Variants in MAPK8IP3 observed in about 807,000 individuals in gnomAD.
MAPK8IP3 encodes mitogen-activated protein kinase 8 interacting protein 3.
MAPK8IP3 carries 49 observed loss-of-function variants against 157.8 expected under a neutral mutation model. The observed-to-expected ratio is 0.31, with a 90% CI of 0.25 to 0.39. The LOEUF (loss-of-function observed/expected upper bound fraction) is 0.39. Ranked by LOEUF, MAPK8IP3 falls within the 10% of genes least tolerant of loss-of-function variation. MAPK8IP3 has a pLI of 1.00. For synonymous variants in MAPK8IP3, 897 were observed against 777.7 expected (o/e 1.15, Z -2.55); for missense variants, 1,478 against 1,889.4 (o/e 0.78, Z 4.04).
intron 4 of MAPK8IP3, among the ~76,000 whole-genome samples, chr16:1,732,112 C>T (rs1244645556): frequency 6.6e-6 from 1 of 152,198 alleles, no homozygotes; most frequent in Non-Finnish European, 1.5e-5. Flanking sequence ...TCCAGGGGAC[C>T]GGCCATGGGA....
Position 1,767,257 on chromosome 16 carries a change from A to G in MAPK8IP3, c.3197A>G (p.Asn1066Ser), listed in dbSNP as rs2042324901. The G allele has an allele frequency of 6.2e-7, 1 of 1,613,178 alleles. No homozygotes were observed. Among genetic ancestry groups the G allele is most frequent in the Non-Finnish European group, 8.5e-7 (1 of 1,180,008 alleles). Residue 1066 changes from asparagine (N) to serine (S), a missense_variant, in exon 26 of 32, where the codon AAC becomes AGC. Around this residue, in one of 11 missense-constraint regions of MAPK8IP3, gnomAD observed 669 missense variants for 759.8 expected, o/e 0.88. Transcript: ENST00000610761. The part of the protein sequence containing the change: ...VYDRVWCGYK[N>S]KVHVIQPKTM... ...GACCGCGTGTGGTGTGGCTACAAGA[A>G]CAAGGTGCACGTCATCCAGCCCAAG...
intron 1 of MAPK8IP3, among the ~76,000 whole-genome samples, chr16:1,715,244 C>T (rs1016406171): frequency 3.3e-5 from 5 of 152,172 alleles, no homozygotes; most frequent in Admixed American, 2.0e-4. Flanking sequence ...GGCCAGCTCT[C>T]TCAGCCCCAC....
In MAPK8IP3 at chr16:1,769,029, C is replaced by A. The variant is rs1236557822; in HGVS notation, c.*205C>A. The A allele has an allele frequency of 6.5e-6, 4 of 613,292 alleles. No individual in the cohort carries two copies. The highest frequency in any genetic ancestry group is 3.7e-5 in the African/African-American group (2 of 54,084). 38.0% of individuals were successfully genotyped at this position (613,292 alleles called of 1,614,324 possible). A position where few individuals can be genotyped will look rare whatever the true frequency, so the allele number is the denominator to read the frequency against. ...GGAGGAGGGGAGGGGAACTTCCACC[C>A]GAGGGGAAGATGCTCTCGGGACAGT... On this transcript the variant is annotated 3_prime_UTR_variant, in exon 32 of 32. Transcript: ENST00000610761.
At chr16:1,739,780 G>A (rs377679798) in intron 4 of MAPK8IP3, among the ~76,000 whole-genome samples, 37 of 124,010 alleles carry the variant, frequency 3.0e-4, no homozygotes, top group African/African-American at 1.0e-3. Flanking sequence ...GCGTGTCACC[G>A]TCCATGTGAG....
chr16:1,768,154 TCC>T, intron 29 of MAPK8IP3, 43 bp from the exon 30 acceptor site: 1 of 1,611,932 alleles, frequency 6.2e-7, no homozygotes, highest in Non-Finnish European at 8.5e-7. Context: ...TCTCCCACTC[TCC>T]ACCTGTATGC....
chr16:1,748,837 T>A, intron 8 of MAPK8IP3, 117 bp downstream of exon 8: 1 of 920,482 alleles, frequency 1.1e-6, no homozygotes, highest in Non-Finnish European at 1.8e-6. Flanking sequence ...GGAACCTTTT[T>A]TTTTCCAGCT....
Position 1,766,269 on chromosome 16 carries a change from A to G in MAPK8IP3, c.2679A>G (p.Thr893=), listed in dbSNP as rs771356619. Residue 893 remains threonine, a synonymous_variant, in exon 22 of 32, where the codon ACA becomes ACG. Transcript: ENST00000610761. ...ANGKVNPSQS[T]EEATEATEVP... ...GGAAGGTCAACCCGTCCCAGTCCAC[A>G]GAGGAGGCCACAGAGGCCACGGAGG... 1.2e-6 allele frequency: 2 copies of G among 1,612,582 alleles called. No individual in the cohort carries two copies. The highest frequency in any genetic ancestry group is 1.7e-6 in the Non-Finnish European group (2 of 1,179,934).
At chr16:1,734,152 C>G (rs114226995) in intron 4 of MAPK8IP3, among the ~76,000 whole-genome samples, 2,825 of 152,270 alleles carry the variant, frequency 0.019, 99 homozygotes, top group African/African-American at 0.064. Flanking sequence ...ACTCTGGCCC[C>G]TGGGCCTCCT....
In MAPK8IP3 at chr16:1,706,673, G is replaced by C; in HGVS notation, c.318+16G>C. On this transcript the variant is annotated intron_variant, in intron 1 of 31. Coordinates refer to ENST00000610761, the MANE Select transcript of MAPK8IP3 (RefSeq NM_001318852.2). This position sits in a 1 kb window ranked among gnomAD's most constrained non-coding sequence, Gnocchi z 5.1. Reference sequence around the variant, plus strand: ...GGCGGAGGAGGTGCGTGGGCCGCGGGACCCGCCCGCATCCCCGTCCCGGAC... The same window carrying C: ...GGCGGAGGAGGTGCGTGGGCCGCGGCACCCGCCCGCATCCCCGTCCCGGAC... 1 of 1,522,020 alleles carries C rather than the reference G, an allele frequency of 6.6e-7. No individual in the cohort carries two copies. 94.3% of individuals were successfully genotyped at this position (1,522,020 alleles called of 1,614,324 possible). A position where few individuals can be genotyped will look rare whatever the true frequency, so the allele number is the denominator to read the frequency against.
At chr16:1,728,262 A>C (rs1322202972) in intron 2 of MAPK8IP3, among the ~76,000 whole-genome samples, 1 of 152,038 alleles carries the variant, frequency 6.6e-6, no homozygotes, top group Non-Finnish European at 1.5e-5. Flanking sequence ...TTTAAGGGAG[A>C]CATGACTGTC....
chr16:1,716,988 G>A (rs1264894044), intron 1 of MAPK8IP3, among the ~76,000 whole-genome samples: 1 of 152,046 alleles, frequency 6.6e-6, no homozygotes, highest in African/African-American at 2.4e-5. Context: ...GAACCTGGGA[G>A]GCAGAGGTTG....
chr16:1,766,988 C>A lies in MAPK8IP3; in HGVS notation c.3088+17C>A. Reference sequence around the variant, plus strand: ...GTGGTGAAGGTGGGGCCTGGCAGCACGGGGTGTGTGGGTGGCAGCTGATGG... The same window carrying A: ...GTGGTGAAGGTGGGGCCTGGCAGCAAGGGGTGTGTGGGTGGCAGCTGATGG... On this transcript the variant is annotated intron_variant, in intron 25 of 31. Coordinates refer to ENST00000610761, the MANE Select transcript of MAPK8IP3 (RefSeq NM_001318852.2). 6.3e-7 allele frequency: 1 copy of A among 1,577,264 alleles called. No individual in the cohort carries two copies. The highest frequency in any genetic ancestry group is 8.6e-7 in the Non-Finnish European group (1 of 1,159,302).
chr16:1,724,824 C>A lies in MAPK8IP3; in HGVS notation c.439+147C>A. On this transcript the variant is annotated intron_variant, in intron 2 of 31. Transcript: ENST00000610761. The surrounding 1 kb of genome is among the most constrained non-coding windows in gnomAD (Gnocchi z 4.1). The stretch of plus-strand genomic sequence containing the variant: ...CAGCCATGTATTCCAGCTCTTTGTA[C>A]TGCTGCCTGTTTCTGTAATGGGCCC... 1 of 1,081,326 alleles carries A rather than the reference C, an allele frequency of 9.2e-7. No individual in the cohort carries two copies. The highest frequency in any genetic ancestry group is 1.3e-6 in the Non-Finnish European group (1 of 774,778). The allele number at this position is 1,081,326 out of a possible 1,614,324, so 67.0% of individuals were successfully genotyped here. A position where few individuals can be genotyped will look rare whatever the true frequency, so the allele number is the denominator to read the frequency against.
At chr16:1,721,965 T>G (rs2038556189) in intron 1 of MAPK8IP3, among the ~76,000 whole-genome samples, 1 of 150,426 alleles carries the variant, frequency 6.6e-6, no homozygotes, top group South Asian at 2.1e-4. Context: ...GAAACGGGGT[T>G]TCACCATGTT....
At chr16:1,744,820 G>T in intron 5 of MAPK8IP3, 4 of 985,112 alleles carry the variant, frequency 4.1e-6, no homozygotes, top group Non-Finnish European at 4.8e-6. Flanking sequence ...TTATGTTTTC[G>T]TTCATAGGAG....
intron 11 of MAPK8IP3, 41 bp from the exon 12 acceptor site, chr16:1,760,339 T>C: frequency 6.3e-7 from 1 of 1,587,846 alleles, no homozygotes; most frequent in Non-Finnish European, 8.6e-7. Context: ...CGTACCTGTA[T>C]GCCGCGCCCG....
At chr16:1,730,329 T>C (rs1423217296) in intron 4 of MAPK8IP3, among the ~76,000 whole-genome samples, 4 of 152,162 alleles carry the variant, frequency 2.6e-5, no homozygotes, top group African/African-American at 9.6e-5. Context: ...AAGAGGCTGG[T>C]ATGGTGGCTC....
At chr16:1,750,634 A>C (rs1027729494) in intron 8 of MAPK8IP3, among the ~76,000 whole-genome samples, 9 of 150,888 alleles carry the variant, frequency 6.0e-5, no homozygotes, top group Admixed American at 1.3e-4. Flanking sequence ...GAACCTCCCC[A>C]CCATGCTATA....
chr16:1,755,480 G>A (rs532700052), intron 8 of MAPK8IP3, among the ~76,000 whole-genome samples: 26 of 152,288 alleles, frequency 1.7e-4, no homozygotes, highest in African/African-American at 5.3e-4. Flanking sequence ...CCATGATTGT[G>A]CCACTGCACT....
Sources: allele counts gnomAD v4.1 joint callset (sites outside exome capture counted in the v4.1 genomes callset), GRCh38; gene constraint gnomAD v4.1.1; regional missense constraint gnomAD v4.1.1; non-coding constraint Gnocchi (gnomAD v3.1); transcripts MANE v1.5; gene names NCBI Gene and HGNC (gene_info 2026-07-23, HGNC 2026-07-21).